The following CAPZA2 variants were observed in gnomAD, a reference collection of about 807,000 sequenced individuals.
CAPZA2 encodes F-actin-capping protein subunit alpha-2.
Under a neutral mutation model 44.0 loss-of-function variants are expected in CAPZA2, and 13 were observed. The ratio of observed to expected loss-of-function variants is 0.30; its 90% CI spans 0.19 to 0.47. CAPZA2 has a LOEUF of 0.47. Among genes scored for constraint, CAPZA2 ranks in the 20% least tolerant of loss-of-function variants. The probability of loss-of-function intolerance (pLI) is 1.00; values close to 1 mark genes in which losing one functional copy is unlikely to be tolerated. For synonymous variants in CAPZA2, 94 were observed against 108.2 expected (o/e 0.87, Z 0.81); for missense variants, 244 against 338.6 (o/e 0.72, Z 2.19).
At chr7:116,875,272 T>G (rs1403883639) in intron 1 of CAPZA2, 3 of 152,208 alleles carry the variant, frequency 2.0e-5, no homozygotes, top group Non-Finnish European at 4.4e-5. Context: ...AGTGTTCATT[T>G]TTGAGGATGG....
In CAPZA2 at chr7:116,908,104, A is replaced by AT. The variant is rs1377261802; in HGVS notation, c.506+1762_506+1763insT. On this transcript the variant is annotated intron_variant, in intron 6 of 9. Coordinates refer to ENST00000361183, the MANE Select transcript of CAPZA2 (RefSeq NM_006136.3). ...TACGACCCCATCTCTAGGAAAAAAA[A>AT]AAAAAAATTAGCCAGGCATGGTGGT... 2.6e-5 allele frequency among the ~76,000 whole-genome samples: 4 copies of AT among 151,676 alleles called. No homozygotes were observed. In the East Asian group the frequency reaches 7.8e-4, roughly 29 times the overall value.
intron 1 of CAPZA2, among the ~76,000 whole-genome samples, chr7:116,867,527 C>T (rs1050645900): frequency 6.6e-5 from 10 of 151,458 alleles, no homozygotes; most frequent in African/African-American, 2.2e-4. Context: ...GTTACTTAAT[C>T]GTGCTGTGAA....
chr7:116,912,189 C>T, intron 8 of CAPZA2, 49 bp downstream of exon 8: 3 of 1,600,498 alleles, frequency 1.9e-6, no homozygotes, highest in Non-Finnish European at 2.6e-6. Flanking sequence ...TTCTGTAAAA[C>T]CAGAACAGTT....
chr7:116,893,264 G>A (rs1796875008), intron 3 of CAPZA2, among the ~76,000 whole-genome samples: 1 of 152,064 alleles, frequency 6.6e-6, no homozygotes, highest in Admixed American at 6.6e-5. Flanking sequence ...CCGAGTAGCT[G>A]GGACTACAGG....
chr7:116,906,424 C>T, intron 6 of CAPZA2, 82 bp downstream of exon 6: 1 of 1,528,336 alleles, frequency 6.5e-7, no homozygotes, highest in Non-Finnish European at 8.8e-7. Context: ...TTGGGCTACA[C>T]CTTGTTTGTT....
In CAPZA2 at chr7:116,910,299, C is replaced by T. The variant is rs778431709; in HGVS notation, c.573C>T (p.Ile191=). The stretch of plus-strand genomic sequence containing the variant: ...CTTCAACCACTCAAGTGGTTGGCAT[C>T]TTGAAAATTCAGGTATGAAAAATAA... The part of the protein sequence containing the change: ...ITPSTTQVVG[I]LKIQVHYYED... Residue 191 remains isoleucine, a synonymous_variant, in exon 7 of 10, where the codon ATC becomes ATT. Transcript: ENST00000361183. 3.2e-6 allele frequency: 5 copies of T among 1,554,740 alleles called. No individual in the cohort carries two copies. In the African/African-American group the frequency reaches 6.8e-5, roughly 21 times the overall value.
At position 116,906,560 on chromosome 7, in the gene CAPZA2, T is replaced by C. The variant is rs976889930; in HGVS notation, c.506+218T>C. ...CTGTTGACATTCAGTGGAAAGAGTA[T>C]GGGACTAGCAAACAGCATCCTGAGG... On this transcript the variant is annotated intron_variant, in intron 6 of 9. Coordinates refer to ENST00000361183, the MANE Select transcript of CAPZA2 (RefSeq NM_006136.3). 12 of 719,828 alleles carry C rather than the reference T, an allele frequency of 1.7e-5. No individual in the cohort carries two copies. The African/African-American group carries it at 1.8e-4, about 11-fold the overall frequency. 44.6% of individuals were successfully genotyped at this position (719,828 alleles called of 1,614,324 possible). A position where few individuals can be genotyped will look rare whatever the true frequency, so the allele number is the denominator to read the frequency against.
chr7:116,893,832 C>T (rs1185812829), intron 3 of CAPZA2, among the ~76,000 whole-genome samples: 1 of 152,190 alleles, frequency 6.6e-6, no homozygotes, highest in East Asian at 1.9e-4. Context: ...AATCTTAATA[C>T]ATCGTCTTTG....
At chr7:116,908,513 TTACTC>T (rs1200761321) in intron 6 of CAPZA2, among the ~76,000 whole-genome samples, 4 of 152,308 alleles carry the variant, frequency 2.6e-5, no homozygotes, top group East Asian at 1.9e-4. Flanking sequence ...TATTGGCCAT[TTACTC>T]TACTAATAAA....
intron 1 of CAPZA2, among the ~76,000 whole-genome samples, chr7:116,869,093 C>A (rs187753728): frequency 6.6e-6 from 1 of 152,318 alleles, no homozygotes; most frequent in African/African-American, 2.4e-5. Context: ...GATGGCAAAA[C>A]TTGGATCTGT....
rs778724933 is a variant in CAPZA2, at chr7:116,917,759, G to A, written c.753G>A (p.Ser251=). ...TCAGTGAGAATTATCAGACAATGTCGGACACTACTTTCAAAGCCTTACGTC... is the reference window on the plus strand; with the variant it reads ...TCAGTGAGAATTATCAGACAATGTCAGACACTACTTTCAAAGCCTTACGTC... ...TAISENYQTM[S]DTTFKALRRQ... The change falls in exon 10 of 10, where the codon TCG becomes TCA. Residue 251 remains serine, a synonymous_variant. Transcript: ENST00000361183. 51 of 1,607,438 alleles carry A rather than the reference G, an allele frequency of 3.2e-5. No individual in the cohort carries two copies. Among genetic ancestry groups the A allele is most frequent in the Non-Finnish European group, 3.9e-5 (46 of 1,174,110 alleles).
rs76692202 is a variant in CAPZA2 at position 116,916,056 on chromosome 7, T to C, written c.658-4T>C. 1.3e-5 allele frequency: 19 copies of C among 1,516,578 alleles called. No individual in the cohort carries two copies. Among genetic ancestry groups the C allele is most frequent in the African/African-American group, 1.4e-5 (1 of 69,880 alleles). The allele number at this position is 1,516,578 out of a possible 1,614,324, so 93.9% of individuals were successfully genotyped here. A position where few individuals can be genotyped will look rare whatever the true frequency, so the allele number is the denominator to read the frequency against. ...TATTTTTATTTTGTTTTTTTTTTTT[T>C]CAGAATGAAGTGCAAACAGCAAAAG... On this transcript the variant is annotated splice_region_variant and splice_polypyrimidine_tract_variant and intron_variant, in intron 8 of 9. Transcript: ENST00000361183.
intron 1 of CAPZA2, chr7:116,875,009 A>C (rs2115882254): frequency 6.6e-6 from 1 of 152,502 alleles, no homozygotes; most frequent in Middle Eastern, 3.4e-3. Flanking sequence ...GAATCACTCA[A>C]GCCCAGGAAG....
In CAPZA2 at chr7:116,898,599, G is replaced by A. The variant is rs532000168; in HGVS notation, c.156-173G>A. 2.6e-5 allele frequency among the ~76,000 whole-genome samples: 4 copies of A among 152,200 alleles called. No homozygotes were observed. The Middle Eastern group carries it at 0.014, about 518-fold the overall frequency. On this transcript the variant is annotated intron_variant, in intron 3 of 9. Transcript: ENST00000361183. ...ACATCATTGTTCAGTTTTTAAAATA[G>A]GCATGTCATTATTTGTAGTTAGTAT...
At chr7:116,900,732 C>A (rs1478127990) in intron 4 of CAPZA2, among the ~76,000 whole-genome samples, 1 of 152,056 alleles carries the variant, frequency 6.6e-6, no homozygotes, top group Non-Finnish European at 1.5e-5. Context: ...AAACAGACAA[C>A]CTACAGAATG....
chr7:116,909,509 A>G (rs1458857817), intron 6 of CAPZA2, among the ~76,000 whole-genome samples: 1 of 152,146 alleles, frequency 6.6e-6, no homozygotes, highest in African/African-American at 2.4e-5. Context: ...TTTGTATACC[A>G]AAAATCATTT....
chr7:116,863,651 G>A (rs907374802), intron 1 of CAPZA2, among the ~76,000 whole-genome samples: 1 of 152,132 alleles, frequency 6.6e-6, no homozygotes, highest in Non-Finnish European at 1.5e-5. Flanking sequence ...ACTGTTTCTC[G>A]GAAAGGACCC....
At chr7:116,871,710 T>C (rs897349958) in intron 1 of CAPZA2, among the ~76,000 whole-genome samples, 1 of 152,236 alleles carries the variant, frequency 6.6e-6, no homozygotes, top group Non-Finnish European at 1.5e-5. Context: ...TCTTCTTTTG[T>C]ATCCTGACAT....
chr7:116,921,622 C>T lies in CAPZA2; in HGVS notation c.*3755C>T, dbSNP rs908334838. On this transcript the variant is annotated 3_prime_UTR_variant, in exon 10 of 10. Transcript: ENST00000361183. Reference sequence around the variant, plus strand: ...CTTTGAACCCAGGAAGTGACAGTTACAACGAGCGGAGACTGTGCCACTTCA... The same window carrying T: ...CTTTGAACCCAGGAAGTGACAGTTATAACGAGCGGAGACTGTGCCACTTCA... 6.6e-6 allele frequency: 1 copy of T among 152,228 alleles called. No homozygotes were observed. The highest frequency in any genetic ancestry group is 1.5e-5 in the Non-Finnish European group (1 of 68,074). 9.4% of individuals were successfully genotyped at this position (152,228 alleles called of 1,614,324 possible). A position where few individuals can be genotyped will look rare whatever the true frequency, so the allele number is the denominator to read the frequency against.
Sources: gnomAD v4.1 joint callset for allele counts (sites outside exome capture counted in the v4.1 genomes callset) on GRCh38, gnomAD v4.1.1 for gene constraint, MANE v1.5 for transcripts, NCBI Gene and HGNC (gene_info 2026-07-23, HGNC 2026-07-21) for gene names.